ARHGAP21: variants seen among roughly 807,000 people sequenced by gnomAD.
The protein encoded by ARHGAP21 is rho GTPase-activating protein 21.
Under a neutral mutation model 164.6 loss-of-function variants are expected in ARHGAP21, and 38 were observed. The observed-to-expected ratio is 0.23, with a 90% CI of 0.18 to 0.30. The LOEUF is 0.30. Among genes scored for constraint, ARHGAP21 ranks in the 10% least tolerant of loss-of-function variants. ARHGAP21 has a pLI of 1.00. For missense variants in ARHGAP21, 1,822 were observed against 2,370.7 expected (o/e 0.77, Z 4.81); for synonymous variants, 766 against 857.9 (o/e 0.89, Z 1.87).
intron 22 of ARHGAP21, 73 bp from the exon 23 acceptor site, chr10:24,591,756 A>T: frequency 6.2e-7 from 1 of 1,601,594 alleles, no homozygotes; most frequent in East Asian, 2.2e-5. Flanking sequence ...AGGATAGTAT[A>T]GAAAAAGGGT....
intron 7 of ARHGAP21, 199 bp downstream of exon 7, chr10:24,629,797 T>A (rs759622719): frequency 3.1e-5 from 20 of 641,306 alleles, no homozygotes; most frequent in Middle Eastern, 2.5e-4. Context: ...AACATAACAT[T>A]TCCATGTCAC....
At chr10:24,672,863 T>C (rs952708598) in intron 2 of ARHGAP21, among the ~76,000 whole-genome samples, 1 of 151,152 alleles carries the variant, frequency 6.6e-6, no homozygotes, top group Admixed American at 6.6e-5. Flanking sequence ...TAATACAGTA[T>C]ACCAAAAACA....
At chr10:24,653,173 G>A (rs1838378540) in intron 4 of ARHGAP21, among the ~76,000 whole-genome samples, 1 of 152,172 alleles carries the variant, frequency 6.6e-6, no homozygotes, top group African/African-American at 2.4e-5. Context: ...CCATAACCAT[G>A]ATATGGAACA....
At chr10:24,596,072 T>C (rs1348054657) in intron 17 of ARHGAP21, 29 bp from the exon 18 acceptor site, 2 of 1,546,100 alleles carry the variant, frequency 1.3e-6, no homozygotes, top group South Asian at 2.4e-5. Flanking sequence ...ACATTTTATT[T>C]AATGCAGCAC....
At chr10:24,617,600 T>C (rs1565023364) in intron 9 of ARHGAP21, among the ~76,000 whole-genome samples, 1 of 151,924 alleles carries the variant, frequency 6.6e-6, no homozygotes, top group African/African-American at 2.4e-5. Flanking sequence ...AACTTGAATA[T>C]ATCCGATTTA....
chr10:24,597,423 T>TTTTATAACATATAAAAATCATTATA, intron 16 of ARHGAP21, 24 bp downstream of exon 16: 2 of 1,601,910 alleles, frequency 1.2e-6, no homozygotes, highest in Non-Finnish European at 1.7e-6. Flanking sequence ...TTATATTTAT[T>TTTTATAACATATAAAAATCATTATA]TGTTAGAAAG....
intron 2 of ARHGAP21, among the ~76,000 whole-genome samples, chr10:24,716,034 T>A (rs962687254): frequency 2.6e-5 from 4 of 152,148 alleles, no homozygotes; most frequent in African/African-American, 4.8e-5. Context: ...AAATAAGAAT[T>A]CACATACTAC....
intron 2 of ARHGAP21, among the ~76,000 whole-genome samples, chr10:24,706,209 T>C (rs538552812): frequency 1.3e-5 from 2 of 152,330 alleles, no homozygotes; most frequent in African/African-American, 4.8e-5. Context: ...GTTACAATTA[T>C]ATTGCTTTAA....
Position 24,597,032 on chromosome 10 carries a change from T to C in ARHGAP21, c.3335-150A>G. ...TATATTTAACAAAAATATGTTCTCT[T>C]CCATATAACTTTTACTTCATTCTTT... On this transcript the variant is annotated intron_variant, in intron 16 of 25. Coordinates refer to ENST00000396432, the MANE Select transcript of ARHGAP21 (RefSeq NM_020824.4). The C allele has an allele frequency of 4.8e-6, 4 of 839,808 alleles. 1 individual carries two copies. The highest frequency in any genetic ancestry group is 6.9e-6 in the Non-Finnish European group (4 of 583,444). 52.0% of individuals were successfully genotyped at this position (839,808 alleles called of 1,614,324 possible).
At chr10:24,599,603 CCTT>C (rs1194925697) in intron 14 of ARHGAP21, among the ~76,000 whole-genome samples, 1 of 152,028 alleles carries the variant, frequency 6.6e-6, no homozygotes. Flanking sequence ...ACTTCGTGCC[CCTT>C]TTTTGGTTAT....
Position 24,588,669 on chromosome 10 carries a change from AAAAACTTTCTAAGAACTAT to A in ARHGAP21, c.4182+583_4182+601del, listed in dbSNP as rs575750875. Among the ~76,000 whole-genome samples, 34 of 152,348 alleles carry A rather than the reference AAAAACTTTCTAAGAACTAT, an allele frequency of 2.2e-4. No homozygotes were observed. In the South Asian group the frequency reaches 6.4e-3, roughly 29 times the overall value. On this transcript the variant is annotated intron_variant, in intron 25 of 25. Coordinates refer to ENST00000396432, the MANE Select transcript of ARHGAP21 (RefSeq NM_020824.4). ...AAAATTTAGATCCACTGACTTGACA[AAAAACTTTCTAAGAACTAT>A]AAATGTCCCACAAACTACTCAAAAA...
intron 24 of ARHGAP21, 33 bp from the exon 25 acceptor site, chr10:24,589,335 T>C (rs770721070): frequency 6.3e-7 from 1 of 1,584,704 alleles, no homozygotes; most frequent in South Asian, 1.1e-5. Context: ...TGGTCAGTAT[T>C]AGCCAATCTT....
chr10:24,625,823 C>A, intron 7 of ARHGAP21, among the ~76,000 whole-genome samples: 1 of 152,160 alleles, frequency 6.6e-6, no homozygotes, highest in East Asian at 1.9e-4. Context: ...TATCACATAT[C>A]CATAGAGCAG....
chr10:24,596,645 A>AGTCT, intron 17 of ARHGAP21, 95 bp downstream of exon 17: 1 of 1,516,970 alleles, frequency 6.6e-7, no homozygotes, highest in Non-Finnish European at 8.9e-7. Flanking sequence ...ACAGATTGAC[A>AGTCT]GTCTCTGTTG....
rs1237426921 is a variant in ARHGAP21 at position 24,722,179 on chromosome 10, C to T, written c.-280G>A. 1 of 473,542 alleles carries T rather than the reference C, an allele frequency of 2.1e-6. No homozygotes were observed. Among genetic ancestry groups the T allele is most frequent in the East Asian group, 4.1e-5 (1 of 24,358 alleles). The allele number at this position is 473,542 out of a possible 1,614,324, so 29.3% of individuals were successfully genotyped here. On this transcript the variant is annotated 5_prime_UTR_variant, in exon 2 of 26. Transcript: ENST00000396432. ...GTCTTCTTGGCAGCCAGTGTCGAGG[C>T]CAATTGCAGAAAGCGGTCCCCTTCT... is the stretch of plus-strand genomic sequence containing the variant.
At chr10:24,622,645 G>A in intron 8 of ARHGAP21, 88 bp downstream of exon 8, 2 of 1,382,598 alleles carry the variant, frequency 1.4e-6, no homozygotes, top group Non-Finnish European at 2.0e-6. Context: ...CTAAGCAAAA[G>A]TGAACAGTTT....
At position 24,626,701 on chromosome 10, in the gene ARHGAP21, T is replaced by C. The variant is rs763500287; in HGVS notation, c.495+3295A>G. Among the ~76,000 whole-genome samples, 14 of 152,308 alleles carry C rather than the reference T, an allele frequency of 9.2e-5. No individual in the cohort carries two copies. In the South Asian group the frequency reaches 1.7e-3, roughly 18 times the overall value. ...CTGGTGTGGCTATTTCACTCATGCA[T>C]AGATAACATTTAATGGGGAAACAAA... On this transcript the variant is annotated intron_variant, in intron 7 of 25. Transcript: ENST00000396432.
At chr10:24,587,851 GTT>G (rs1383950808) in intron 25 of ARHGAP21, among the ~76,000 whole-genome samples, 2 of 152,186 alleles carry the variant, frequency 1.3e-5, no homozygotes, top group African/African-American at 4.8e-5. Flanking sequence ...TACAGAGACT[GTT>G]TGTTAGAAGT....
At chr10:24,597,665 T>C (rs1187335281) in intron 15 of ARHGAP21, 82 bp from the exon 16 acceptor site, 1 of 1,541,724 alleles carries the variant, frequency 6.5e-7, no homozygotes. Context: ...TGAGCCATGG[T>C]CTGAAAATAT....
Sources: allele counts gnomAD v4.1 joint callset (sites outside exome capture counted in the v4.1 genomes callset), GRCh38; gene constraint gnomAD v4.1.1; transcripts MANE v1.5; gene names NCBI Gene and HGNC (gene_info 2026-07-23, HGNC 2026-07-21).